Variants in FAM13A observed in about 807,000 individuals in gnomAD.
FAM13A encodes the protein family with sequence similarity 13 member A, also known as protein FAM13A.
A neutral mutation model predicts 129.6 loss-of-function variants in FAM13A; 76 were observed. The observed-to-expected ratio is 0.59, with a 90% confidence interval of 0.49 to 0.71. The LOEUF is 0.71. Ranked by LOEUF, FAM13A falls within the 30% of genes least tolerant of loss-of-function variation. The pLI is 0.00. For synonymous variants in FAM13A, 443 were observed against 449.9 expected, an observed-to-expected ratio of 0.98 and a Z score of 0.20; for missense variants, 1,108 against 1,249.3, an observed-to-expected ratio of 0.89 and a Z score of 1.70.
At chr4:88,884,059 C>T (rs977186184) in intron 6 of FAM13A, among the ~76,000 whole-genome samples, 12 of 152,040 alleles carry the variant, frequency 7.9e-5, no homozygotes, top group Admixed American at 3.9e-4. Context: ...GATGGATTTA[C>T]AGCTGAATTC....
chr4:88,767,634 C>T (rs757726847), intron 12 of FAM13A, 39 bp from the exon 13 acceptor site: 1 of 1,482,354 alleles, frequency 6.7e-7, no homozygotes, highest in South Asian at 1.2e-5. Context: ...CATAAAATAT[C>T]TACTTGTTTT....
intron 17 of FAM13A, among the ~76,000 whole-genome samples, chr4:88,748,551 A>G (rs138223357): frequency 6.6e-6 from 1 of 152,308 alleles, no homozygotes; most frequent in African/African-American, 2.4e-5. Context: ...AGTTGTTTAC[A>G]TGACTGTGTC....
rs191806250 is a variant in FAM13A, at chr4:89,037,436, C to T, written c.28-7787G>A. 3.4e-4 allele frequency among the ~76,000 whole-genome samples: 52 copies of T among 152,226 alleles called. 2 individuals carry two copies. The highest frequency in any genetic ancestry group is 3.4e-3 in the Middle Eastern group (1 of 294). On this transcript the variant is annotated intron_variant, in intron 1 of 23. Coordinates refer to ENST00000264344, the MANE Select transcript of FAM13A (RefSeq NM_014883.4). ...TGGATGTATTTACCTAACACCTGTA[C>T]CCCATTTTATCTTGGAAGAAACTAA...
intron 6 of FAM13A, among the ~76,000 whole-genome samples, chr4:88,874,709 T>C (rs1453694565): frequency 1.3e-5 from 2 of 152,140 alleles, no homozygotes; most frequent in South Asian, 2.1e-4. Context: ...AAAATGGCCA[T>C]ACCGCCCAAG....
At chr4:88,834,277 A>G (rs1734443868) in intron 7 of FAM13A, among the ~76,000 whole-genome samples, 1 of 151,532 alleles carries the variant, frequency 6.6e-6, no homozygotes, top group Non-Finnish European at 1.5e-5. Flanking sequence ...GTATGTTTAT[A>G]TTATCTTTTC....
chr4:88,871,842 G>A (rs952649218), intron 6 of FAM13A, among the ~76,000 whole-genome samples: 3 of 152,134 alleles, frequency 2.0e-5, no homozygotes, highest in Admixed American at 6.5e-5. Context: ...ACACATAATT[G>A]TCAGATTCAC....
chr4:88,970,026 C>T (rs1759861904), intron 4 of FAM13A, among the ~76,000 whole-genome samples: 1 of 152,226 alleles, frequency 6.6e-6, no homozygotes, highest in Non-Finnish European at 1.5e-5. Context: ...CTCTTGCTAT[C>T]ACATCACCCT....
At chr4:88,762,059 G>C (rs1455260543) in intron 13 of FAM13A, among the ~76,000 whole-genome samples, 1 of 152,172 alleles carries the variant, frequency 6.6e-6, no homozygotes. Flanking sequence ...TGAGTGGTCA[G>C]GGACAGTCTC....
At position 88,749,853 on chromosome 4, in the gene FAM13A, G is replaced by A. The variant is rs1742186121; in HGVS notation, c.1997C>T (p.Ala666Val). 1 of 1,613,970 alleles carries A rather than the reference G, an allele frequency of 6.2e-7. No homozygotes were observed. Reference sequence around the variant, plus strand: ...GCTCTGAATCCTTCGTGTGAGCTGGGCAGGTGTCAGGTCCTCTTGCTCATC... The same window carrying A: ...GCTCTGAATCCTTCGTGTGAGCTGGACAGGTGTCAGGTCCTCTTGCTCATC... ...YDDEQEDLTP[A>V]QLTRRIQSLK... The change falls in exon 16 of 24, where the codon GCC (alanine) becomes GTC (valine). Residue 666 changes from alanine (A) to valine (V), a missense_variant. Around this residue, in one of 3 missense-constraint regions of FAM13A, gnomAD observed 529 missense variants for 621.2 expected, o/e 0.85. Coordinates refer to ENST00000264344, the MANE Select transcript of FAM13A (RefSeq NM_014883.4).
intron 6 of FAM13A, among the ~76,000 whole-genome samples, chr4:88,885,515 G>T (rs1744261761): frequency 6.6e-6 from 1 of 152,108 alleles, no homozygotes; most frequent in Non-Finnish European, 1.5e-5. Flanking sequence ...ATTCAAGATG[G>T]ATCAAAAACT....
At chr4:89,032,186 A>G (rs1768780699) in intron 1 of FAM13A, among the ~76,000 whole-genome samples, 2 of 152,092 alleles carry the variant, frequency 1.3e-5, no homozygotes, top group Non-Finnish European at 2.9e-5. Flanking sequence ...CGGAGCTTGC[A>G]GTGAGCCGAG....
At chr4:89,053,562 G>A (rs892906859) in intron 1 of FAM13A, among the ~76,000 whole-genome samples, 1 of 152,074 alleles carries the variant, frequency 6.6e-6, no homozygotes, top group Non-Finnish European at 1.5e-5. Context: ...GGTAGTTGAT[G>A]GTACCAGGCG....
chr4:88,739,771 A>C (rs1739818756), intron 19 of FAM13A, among the ~76,000 whole-genome samples: 1 of 139,878 alleles, frequency 7.1e-6, no homozygotes, highest in Admixed American at 6.9e-5. Flanking sequence ...TGGGTGACAG[A>C]GAAAGACTCT....
chr4:89,038,323 T>C (rs1351520171), intron 1 of FAM13A, among the ~76,000 whole-genome samples: 1 of 152,210 alleles, frequency 6.6e-6, no homozygotes, highest in Non-Finnish European at 1.5e-5. Context: ...AACCATGTGC[T>C]CCAAGACTCT....
chr4:88,769,016 A>C (rs1388299644), intron 11 of FAM13A, among the ~76,000 whole-genome samples: 7 of 152,202 alleles, frequency 4.6e-5, no homozygotes, highest in African/African-American at 7.2e-5. Flanking sequence ...AATTTTGTTG[A>C]ACTCAGATTT....
At chr4:88,898,217 C>T (rs1341827497) in intron 6 of FAM13A, among the ~76,000 whole-genome samples, 1 of 152,028 alleles carries the variant, frequency 6.6e-6, no homozygotes, top group Non-Finnish European at 1.5e-5. Flanking sequence ...TCAAAGTAGT[C>T]GATACATATA....
intron 7 of FAM13A, among the ~76,000 whole-genome samples, chr4:88,842,253 G>C (rs1168442105): frequency 6.6e-6 from 1 of 152,208 alleles, no homozygotes; most frequent in Non-Finnish European, 1.5e-5. Context: ...TATTGACAAA[G>C]TGGGAGAAGG....
chr4:88,896,282 A>T (rs866482357), intron 6 of FAM13A, among the ~76,000 whole-genome samples: 2 of 84,938 alleles, frequency 2.4e-5, no homozygotes, highest in Admixed American at 1.4e-4. Context: ...GGGTTGGGGG[A>T]GGGGGGAGGG....
chr4:88,977,236 C>T (rs1401008774), intron 4 of FAM13A, among the ~76,000 whole-genome samples: 1 of 152,112 alleles, frequency 6.6e-6, no homozygotes, highest in Non-Finnish European at 1.5e-5. Flanking sequence ...GTTACTTGAA[C>T]ACAAGCCCTG....
Sources: gnomAD v4.1 joint callset for allele counts (sites outside exome capture counted in the v4.1 genomes callset) on GRCh38, gnomAD v4.1.1 for gene constraint, gnomAD v4.1.1 regional missense constraint, MANE v1.5 for transcripts, NCBI Gene and HGNC (gene_info 2026-07-23, HGNC 2026-07-21) for gene names.